PIBF1: variants seen among roughly 807,000 people sequenced by gnomAD.
PIBF1 encodes progesterone-induced-blocking factor 1.
A neutral mutation model predicts 112.5 loss-of-function variants in PIBF1; 90 were observed. That is an observed-to-expected ratio of 0.80 (90% CI 0.67 to 0.95). PIBF1 has a LOEUF of 0.95. Ranked by LOEUF, PIBF1 falls within the 40% of genes least tolerant of loss-of-function variation. The pLI is 0.00. For missense variants in PIBF1, 915 were observed against 852.3 expected (o/e 1.07, Z -0.92); for synonymous variants, 301 against 288.6 (o/e 1.04, Z -0.44).
chr13:72,865,935 G>A (rs2038906805), intron 10 of PIBF1, among the ~76,000 whole-genome samples: 1 of 152,116 alleles, frequency 6.6e-6, no homozygotes, highest in South Asian at 2.1e-4. Context: ...AAACTTGGTG[G>A]CAAAACAACA....
chr13:72,927,423 G>A (rs1263714132), intron 13 of PIBF1, among the ~76,000 whole-genome samples: 1 of 152,196 alleles, frequency 6.6e-6, no homozygotes, highest in Middle Eastern at 3.4e-3. Context: ...AGAATGGCGC[G>A]AACCCGGGAG....
chr13:72,967,084 C>T (rs1175203060), intron 15 of PIBF1, among the ~76,000 whole-genome samples: 3 of 151,820 alleles, frequency 2.0e-5, no homozygotes, highest in African/African-American at 4.8e-5. Context: ...TACAGGCACA[C>T]GCTGCCACGC....
intron 12 of PIBF1, among the ~76,000 whole-genome samples, chr13:72,913,015 C>G (rs943499892): frequency 6.7e-6 from 1 of 149,646 alleles, no homozygotes; most frequent in Non-Finnish European, 1.5e-5. Context: ...CTAGAAGAGA[C>G]AGAAGTAATC....
intron 13 of PIBF1, among the ~76,000 whole-genome samples, chr13:72,917,867 A>G (rs900393989): frequency 2.4e-4 from 36 of 152,172 alleles, no homozygotes; most frequent in African/African-American, 8.0e-4. Context: ...TTTAAAGTAT[A>G]TGGGAGGATA....
intron 9 of PIBF1, among the ~76,000 whole-genome samples, chr13:72,851,190 G>A (rs752398712): frequency 2.6e-5 from 4 of 152,202 alleles, no homozygotes; most frequent in Non-Finnish European, 4.4e-5. Flanking sequence ...GACCCCTTCC[G>A]AGTTGGAGGG....
intron 14 of PIBF1, among the ~76,000 whole-genome samples, chr13:72,960,089 A>G (rs1220673104): frequency 6.6e-6 from 1 of 152,348 alleles, no homozygotes. Flanking sequence ...ATGAAAATCA[A>G]CTTTGGGGAT....
At chr13:72,875,035 T>C (rs576914127) in intron 10 of PIBF1, among the ~76,000 whole-genome samples, 1 of 152,336 alleles carries the variant, frequency 6.6e-6, no homozygotes, top group East Asian at 1.9e-4. Flanking sequence ...GTACATTCTG[T>C]ATGTTTGGAC....
intron 11 of PIBF1, among the ~76,000 whole-genome samples, chr13:72,896,924 A>G (rs1439502914): frequency 1.3e-5 from 2 of 152,204 alleles, no homozygotes; most frequent in African/African-American, 4.8e-5. Flanking sequence ...AGACCTAGAC[A>G]TCCAAATACG....
chr13:72,937,535 TCAGGCTGGGCA>T (rs948122373), intron 14 of PIBF1, among the ~76,000 whole-genome samples: 1 of 152,146 alleles, frequency 6.6e-6, no homozygotes, highest in Non-Finnish European at 1.5e-5. Context: ...ACAGTGATAA[TCAGGCTGGGCA>T]CAGTGGCTCA....
At chr13:72,895,841 C>G (rs961032697) in intron 11 of PIBF1, among the ~76,000 whole-genome samples, 5 of 152,088 alleles carry the variant, frequency 3.3e-5, no homozygotes, top group Admixed American at 6.6e-5. Flanking sequence ...CGGAAGACAC[C>G]CCAAATACTC....
In PIBF1 at chr13:72,931,013, T is replaced by A. The variant is rs1041728782; in HGVS notation, c.1731-152T>A. ...TGGGGTATTGGTCTTCCACTACTGGTGCCTGAAAATATTATTTGACTCTAT... is the reference window on the plus strand; with the variant it reads ...TGGGGTATTGGTCTTCCACTACTGGAGCCTGAAAATATTATTTGACTCTAT... On this transcript the variant is annotated intron_variant, in intron 13 of 17. Coordinates refer to ENST00000326291, the MANE Select transcript of PIBF1 (RefSeq NM_006346.4). 5.0e-6 allele frequency: 3 copies of A among 602,592 alleles called. No individual in the cohort carries two copies. The African/African-American group carries it at 5.6e-5, about 11-fold the overall frequency. The allele number at this position is 602,592 out of a possible 1,614,324, so 37.3% of individuals were successfully genotyped here.
At chr13:73,000,405 A>ACTTC (rs2043819487) in intron 17 of PIBF1, among the ~76,000 whole-genome samples, 1 of 152,182 alleles carries the variant, frequency 6.6e-6, no homozygotes, top group East Asian at 1.9e-4. Flanking sequence ...TTTTGGCAAG[A>ACTTC]CTTCCTAAGC....
At chr13:72,912,579 ACC>A (rs1299462104) in intron 12 of PIBF1, among the ~76,000 whole-genome samples, 35 of 152,208 alleles carry the variant, frequency 2.3e-4, no homozygotes, top group Admixed American at 2.3e-3. Flanking sequence ...TAATTAAACA[ACC>A]TAATCAGTGA....
chr13:73,002,848 G>A (rs2043914065), intron 17 of PIBF1, among the ~76,000 whole-genome samples: 1 of 151,948 alleles, frequency 6.6e-6, no homozygotes, highest in African/African-American at 2.4e-5. Flanking sequence ...TTCAGGTGTG[G>A]TGGTGCATGC....
chr13:72,883,430 A>C (rs186430474), intron 10 of PIBF1, among the ~76,000 whole-genome samples: 1 of 152,210 alleles, frequency 6.6e-6, no homozygotes, highest in African/African-American at 2.4e-5. Flanking sequence ...CATGGTGACT[A>C]TAGTCAGTAA....
chr13:72,919,782 A>G (rs1437295052), intron 13 of PIBF1, among the ~76,000 whole-genome samples: 1 of 152,168 alleles, frequency 6.6e-6, no homozygotes, highest in Non-Finnish European at 1.5e-5. Context: ...AGCCTGGGCA[A>G]CATGGCAAAA....
chr13:72,945,410 G>T (rs149696091), intron 14 of PIBF1, among the ~76,000 whole-genome samples: 2,571 of 152,302 alleles, frequency 0.017, 207 homozygotes, highest in Admixed American at 0.14. Flanking sequence ...ACCCAGTAAT[G>T]AGATTGCTAG....
intron 10 of PIBF1, among the ~76,000 whole-genome samples, chr13:72,882,600 T>G (rs2039687912): frequency 6.6e-6 from 1 of 152,156 alleles, no homozygotes; most frequent in African/African-American, 2.4e-5. Context: ...GAAAAAAATC[T>G]AATAATCCAA....
chr13:72,857,252 G>A (rs1438606003), intron 10 of PIBF1, among the ~76,000 whole-genome samples: 1 of 152,164 alleles, frequency 6.6e-6, no homozygotes, highest in African/African-American at 2.4e-5. Context: ...AATTTCATAT[G>A]GATCAGAGAT....
Sources: allele counts gnomAD v4.1 joint callset (sites outside exome capture counted in the v4.1 genomes callset), GRCh38; gene constraint gnomAD v4.1.1; transcripts MANE v1.5; gene names NCBI Gene and HGNC (gene_info 2026-07-23, HGNC 2026-07-21).